CMIP: variants seen among roughly 807,000 people sequenced by gnomAD.
The protein encoded by CMIP is c-Maf inducing protein.
In CMIP, 13 loss-of-function variants were observed where a neutral mutation model predicts 97.3. The ratio of observed to expected loss-of-function variants is 0.13; its 90% CI spans 0.09 to 0.21. CMIP has a LOEUF of 0.21. Among genes scored for constraint, CMIP ranks in the 10% least tolerant of loss-of-function variants. CMIP has a pLI of 1.00. For missense variants in CMIP, 847 were observed against 1,024.9 expected (o/e 0.83, Z 2.37); for synonymous variants, 538 against 436.3 (o/e 1.23, Z -2.91).
Position 81,555,392 on chromosome 16 carries a change from A to T in CMIP, c.301-52175A>T, listed in dbSNP as rs147753483. ...AGCAGAAAGCCAGAGAGGAATCCGG[A>T]CCCATGGGCAAAACAGACAGAAGAA... is the stretch of plus-strand genomic sequence containing the variant. On this transcript the variant is annotated intron_variant, in intron 1 of 20. Transcript: ENST00000537098. 2.0e-5 allele frequency among the ~76,000 whole-genome samples: 3 copies of T among 152,222 alleles called. No homozygotes were observed. The East Asian group carries it at 5.8e-4, about 30-fold the overall frequency.
intron 1 of CMIP, among the ~76,000 whole-genome samples, chr16:81,522,506 A>G (rs2090047966): frequency 2.6e-5 from 4 of 152,230 alleles, no homozygotes; most frequent in African/African-American, 9.6e-5. Context: ...GCATACTGTG[A>G]TAGACTTTTC....
chr16:81,467,969 C>T (rs1439167322), intron 1 of CMIP, among the ~76,000 whole-genome samples: 1 of 146,240 alleles, frequency 6.8e-6, no homozygotes, highest in Non-Finnish European at 1.5e-5. Context: ...TTACTGCATT[C>T]TCAACCTCCC....
chr16:81,680,996 C>T (rs1358335853), intron 10 of CMIP, among the ~76,000 whole-genome samples: 1 of 152,202 alleles, frequency 6.6e-6, no homozygotes, highest in African/African-American at 2.4e-5. Flanking sequence ...TGTTCTCCCC[C>T]ATCTGCGTCC....
chr16:81,610,875 A>G (rs1313210593), intron 2 of CMIP, among the ~76,000 whole-genome samples: 1 of 152,022 alleles, frequency 6.6e-6, no homozygotes, highest in Non-Finnish European at 1.5e-5. Context: ...TTCACATACA[A>G]CATACTGTAT....
At chr16:81,603,374 G>A (rs769777654) in intron 1 of CMIP, 6 of 454,070 alleles carry the variant, frequency 1.3e-5, no homozygotes, top group African/African-American at 4.0e-5. Context: ...GAGCCACCGC[G>A]CCCGGCCTTG....
chr16:81,641,885 A>G (rs1424368813), intron 3 of CMIP, among the ~76,000 whole-genome samples: 1 of 152,186 alleles, frequency 6.6e-6, no homozygotes, highest in African/African-American at 2.4e-5. Flanking sequence ...GAGTGGCATG[A>G]TGGTCAGGTG....
chr16:81,670,443 C>G (rs1402987100), intron 8 of CMIP, among the ~76,000 whole-genome samples, 198 bp downstream of exon 8: 2 of 152,106 alleles, frequency 1.3e-5, no homozygotes, highest in Admixed American at 1.3e-4. Context: ...TCCTCAGGTC[C>G]CACGACCCCT....
rs186722343 is a variant in CMIP at position 81,567,856 on chromosome 16, G to A, written c.301-39711G>A. On this transcript the variant is annotated intron_variant, in intron 1 of 20. Transcript: ENST00000537098. ...GTATATCTGCAGCCCTGGGCACGTAGTAGGTGCTTGATAAATAGTTGTTGA... is the reference window on the plus strand; with the variant it reads ...GTATATCTGCAGCCCTGGGCACGTAATAGGTGCTTGATAAATAGTTGTTGA... 9.2e-5 allele frequency among the ~76,000 whole-genome samples: 14 copies of A among 152,284 alleles called. No homozygotes were observed. The East Asian group carries it at 2.7e-3, about 29-fold the overall frequency.
At chr16:81,673,662 G>A (rs2092703221) in intron 9 of CMIP, among the ~76,000 whole-genome samples, 1 of 152,230 alleles carries the variant, frequency 6.6e-6, no homozygotes, top group African/African-American at 2.4e-5. Flanking sequence ...GGCTGGCGGT[G>A]CTGGGATAGT....
chr16:81,687,513 C>T (rs907969890), intron 10 of CMIP, among the ~76,000 whole-genome samples: 1 of 152,180 alleles, frequency 6.6e-6, no homozygotes, highest in Admixed American at 6.5e-5. Flanking sequence ...TGGTTATAAA[C>T]ACAGTGCAGG....
At chr16:81,626,640 A>AGTGT (rs199510902) in intron 3 of CMIP, among the ~76,000 whole-genome samples, 1 of 99,124 alleles carries the variant, frequency 1.0e-5, no homozygotes, top group African/African-American at 3.9e-5. Flanking sequence ...GTGGCTTATG[A>AGTGT]GTGTGTGTGT....
At chr16:81,510,040 A>G (rs2089781348) in intron 1 of CMIP, among the ~76,000 whole-genome samples, 2 of 152,248 alleles carry the variant, frequency 1.3e-5, no homozygotes, top group Non-Finnish European at 2.9e-5. Flanking sequence ...TCAGGATTTT[A>G]GATGAGGATG....
chr16:81,522,218 T>C (rs987545997), intron 1 of CMIP, among the ~76,000 whole-genome samples: 2 of 152,206 alleles, frequency 1.3e-5, no homozygotes, highest in Non-Finnish European at 2.9e-5. Flanking sequence ...TGGCGATCGA[T>C]GATGTCACTG....
intron 1 of CMIP, among the ~76,000 whole-genome samples, chr16:81,599,993 G>C (rs370225735): frequency 2.0e-5 from 3 of 151,988 alleles, no homozygotes; most frequent in African/African-American, 7.3e-5. Flanking sequence ...ATTAAAAAAA[G>C]ATATATGGCA....
intron 1 of CMIP, among the ~76,000 whole-genome samples, chr16:81,549,548 G>C (rs938167621): frequency 6.6e-6 from 1 of 151,770 alleles, no homozygotes; most frequent in Non-Finnish European, 1.5e-5. Flanking sequence ...TGTTGGGGGC[G>C]GGGGGCGGAG....
chr16:81,507,470 G>C (rs903936296), intron 1 of CMIP, among the ~76,000 whole-genome samples: 6 of 152,208 alleles, frequency 3.9e-5, no homozygotes, highest in African/African-American at 1.4e-4. Context: ...AAAAGATTAA[G>C]TAATTTAACT....
rs1275491787 is a variant in CMIP, at chr16:81,701,731, G to T, written c.1827G>T (p.Leu609=). ...NDTQLQIIST[L]ESTDVGKRMY... ...CCCAACTGCAGATCATCTCAACCCT[G>T]GAGAGCACAGACGTGGGGAAGCGCA... Residue 609 remains leucine (L), a synonymous_variant, in exon 16 of 21, where the codon CTG becomes CTT. Coordinates refer to ENST00000537098, the MANE Select transcript of CMIP (RefSeq NM_198390.3). 1 of 1,613,912 alleles carries T rather than the reference G, an allele frequency of 6.2e-7. No homozygotes were observed. Among genetic ancestry groups the T allele is most frequent in the Non-Finnish European group, 8.5e-7 (1 of 1,179,892 alleles).
chr16:81,615,841 C>T (rs934706763), intron 2 of CMIP, among the ~76,000 whole-genome samples: 1 of 152,026 alleles, frequency 6.6e-6, no homozygotes, highest in African/African-American at 2.4e-5. Flanking sequence ...GGTCCATAAA[C>T]CCCCCTGAAT....
chr16:81,486,003 C>T lies in CMIP; in HGVS notation c.300+40462C>T, dbSNP rs142675658. 8.1e-3 allele frequency among the ~76,000 whole-genome samples: 1,238 copies of T among 152,266 alleles called. 6 individuals are homozygous for T. The highest frequency in any genetic ancestry group is 0.011 in the Non-Finnish European group (764 of 68,020). ...TGATCCTAAGCTCCCAGACCTACTG[C>T]GGAGGGTTGAGGGGTTGGGCGTGAG... On this transcript the variant is annotated intron_variant, in intron 1 of 20. Transcript: ENST00000537098.
Sources: gnomAD v4.1 joint callset for allele counts (sites outside exome capture counted in the v4.1 genomes callset) on GRCh38, gnomAD v4.1.1 for gene constraint, MANE v1.5 for transcripts, NCBI Gene and HGNC (gene_info 2026-07-23, HGNC 2026-07-21) for gene names.